Variants in PLBD1 observed in about 807,000 individuals in gnomAD.
PLBD1 encodes the protein phospholipase B domain containing 1, also known as lysosomal leucine aminopeptidase.
PLBD1 carries 60 observed loss-of-function variants against 63.0 expected under a neutral mutation model. The observed-to-expected ratio is 0.95, with a 90% CI of 0.77 to 1.18. The LOEUF is 1.18. Ranked by LOEUF, PLBD1 falls within the 50% of genes most tolerant of loss-of-function variation. PLBD1 has a pLI of 0.00. For missense variants in PLBD1, 598 were observed against 677.9 expected, an observed-to-expected ratio of 0.88 and a Z score of 1.31; for synonymous variants, 262 against 248.0, an observed-to-expected ratio of 1.06 and a Z score of -0.53.
chr12:14,545,569 G>C (rs1218931966), intron 2 of PLBD1, among the ~76,000 whole-genome samples: 1 of 152,150 alleles, frequency 6.6e-6, no homozygotes, highest in Non-Finnish European at 1.5e-5. Context: ...TACAGTCCTC[G>C]TTCTGGTTTT....
At chr12:14,562,488 C>T (rs967250500) in intron 1 of PLBD1, among the ~76,000 whole-genome samples, 3 of 143,252 alleles carry the variant, frequency 2.1e-5, no homozygotes, top group African/African-American at 7.6e-5. Flanking sequence ...AAGACTGTAA[C>T]TGAACATGAT....
intron 6 of PLBD1, among the ~76,000 whole-genome samples, chr12:14,513,585 C>T (rs776140128): frequency 6.6e-6 from 1 of 152,080 alleles, no homozygotes; most frequent in Non-Finnish European, 1.5e-5. Context: ...AGTCAGAAGA[C>T]CTGCATTTTA....
At chr12:14,505,733 TAACATGG>T (rs551250034) in intron 10 of PLBD1, among the ~76,000 whole-genome samples, 38 of 152,358 alleles carry the variant, frequency 2.5e-4, no homozygotes, top group African/African-American at 9.1e-4. Flanking sequence ...GACTCATGTT[TAACATGG>T]AATCGCACTG....
chr12:14,504,350 G>A (rs1223528754), intron 10 of PLBD1, among the ~76,000 whole-genome samples: 2 of 152,066 alleles, frequency 1.3e-5, no homozygotes, highest in Non-Finnish European at 2.9e-5. Context: ...GCGCCAGGCC[G>A]CCTTCTTTAA....
At chr12:14,528,439 A>G (rs1945433953) in intron 6 of PLBD1, among the ~76,000 whole-genome samples, 1 of 151,318 alleles carries the variant, frequency 6.6e-6, no homozygotes, top group Non-Finnish European at 1.5e-5. Context: ...ACAGTGACAA[A>G]GATCTGAAAA....
In PLBD1 at chr12:14,506,171, A is replaced by T. The variant is rs773113855; in HGVS notation, c.1470T>A (p.Tyr490Ter). 4 of 1,605,774 alleles carry T rather than the reference A, an allele frequency of 2.5e-6. No individual in the cohort carries two copies. Among genetic ancestry groups the T allele is most frequent in the South Asian group, 2.2e-5 (2 of 90,350 alleles). The change falls in exon 10 of 11, where the codon TAT (tyrosine) becomes TAA (stop). Residue 490 changes from tyrosine (Y) to a stop codon, truncating the protein, a stop_gained. Coordinates refer to ENST00000240617, the MANE Select transcript of PLBD1 (RefSeq NM_024829.6). LOFTEE classifies it high-confidence loss of function. ...NSPNPSPGGC[Y>*]DTKVADIYLA... ...GCCAATAGCATGTTACCTTTGTGTC[A>T]TAACAACCTCCAGGACTTGGGTTAG...
chr12:14,531,532 G>C (rs890663617), intron 6 of PLBD1, among the ~76,000 whole-genome samples: 11 of 152,126 alleles, frequency 7.2e-5, no homozygotes, highest in Admixed American at 6.5e-5. Context: ...TTTGTTTTAT[G>C]GTTACTAAAG....
At chr12:14,525,468 A>G (rs1945409376) in intron 6 of PLBD1, among the ~76,000 whole-genome samples, 1 of 152,040 alleles carries the variant, frequency 6.6e-6, no homozygotes, top group African/African-American at 2.4e-5. Context: ...GAGAGAGAAA[A>G]GAGGATGGAA....
chr12:14,542,111 G>A, intron 3 of PLBD1, 97 bp downstream of exon 3: 2 of 946,796 alleles, frequency 2.1e-6, no homozygotes, highest in South Asian at 1.4e-5. Flanking sequence ...CTGCTAAAGA[G>A]ATTAAAAAGA....
chr12:14,516,049 G>C (rs1945334208), intron 6 of PLBD1, among the ~76,000 whole-genome samples: 1 of 150,122 alleles, frequency 6.7e-6, no homozygotes, highest in Non-Finnish European at 1.5e-5. Context: ...AAAAAAACAA[G>C]GCCGGGCACG....
At chr12:14,512,060 G>A (rs577261692) in intron 6 of PLBD1, among the ~76,000 whole-genome samples, 156 of 152,268 alleles carry the variant, frequency 1.0e-3, no homozygotes, top group Non-Finnish European at 1.7e-3. Flanking sequence ...TTTAATTAGG[G>A]AGGGGATTAG....
rs893783924 is a variant in PLBD1 at position 14,511,110 on chromosome 12, C to G, written c.1186+150G>C. 3 of 795,064 alleles carry G rather than the reference C, an allele frequency of 3.8e-6. No individual in the cohort carries two copies. The African/African-American group carries it at 5.2e-5, about 14-fold the overall frequency. 49.3% of individuals were successfully genotyped at this position (795,064 alleles called of 1,614,324 possible). A position where few individuals can be genotyped will look rare whatever the true frequency, so the allele number is the denominator to read the frequency against. ...ATGTAGGTTTACATGTTGTGCTAAA[C>G]CTGGTCATTCTGGTGTAATATAGCA... On this transcript the variant is annotated intron_variant, in intron 8 of 10. Transcript: ENST00000240617.
chr12:14,553,027 G>T (rs1050785387), intron 2 of PLBD1, among the ~76,000 whole-genome samples, 166 bp downstream of exon 2: 1 of 152,190 alleles, frequency 6.6e-6, no homozygotes, highest in Non-Finnish European at 1.5e-5. Context: ...TGTGTCCCAT[G>T]CCTCACCCCC....
intron 1 of PLBD1, among the ~76,000 whole-genome samples, chr12:14,554,921 G>A (rs1012793539): frequency 1.9e-4 from 29 of 151,910 alleles, no homozygotes; most frequent in Non-Finnish European, 3.7e-4. Context: ...CTAGAGATTC[G>A]AAATATCCTC....
At chr12:14,510,017 A>G (rs1474396889) in intron 8 of PLBD1, among the ~76,000 whole-genome samples, 1 of 152,208 alleles carries the variant, frequency 6.6e-6, no homozygotes, top group East Asian at 1.9e-4. Context: ...CATGGAGTGC[A>G]TGGATTATAT....
intron 6 of PLBD1, among the ~76,000 whole-genome samples, chr12:14,520,409 T>C (rs1272647920): frequency 2.0e-5 from 3 of 152,246 alleles, no homozygotes; most frequent in Non-Finnish European, 2.9e-5. Context: ...TGCTGCACAC[T>C]GTGCAGGTGA....
In PLBD1 at chr12:14,506,964, C is replaced by G; in HGVS notation, c.1341G>C (p.Thr447=). Residue 447 remains threonine (T), a synonymous_variant, in exon 9 of 11, where the codon ACG becomes ACC. Coordinates refer to ENST00000240617, the MANE Select transcript of PLBD1 (RefSeq NM_024829.6). ...ATCGCATGATATATTTCATGGATGCCGTATCAGTCACTTTCCCTTGGTCAC... is the reference window on the plus strand; with the variant it reads ...ATCGCATGATATATTTCATGGATGCGGTATCAGTCACTTTCCCTTGGTCAC... ...FRRDQGKVTD[T]ASMKYIMRYN... is the part of the protein sequence containing the mutation. The G allele has an allele frequency of 6.2e-7, 1 of 1,613,974 alleles. No individual in the cohort carries two copies. The highest frequency in any genetic ancestry group is 1.1e-5 in the South Asian group (1 of 91,050).
chr12:14,537,398 G>T (rs1224547475), intron 4 of PLBD1, among the ~76,000 whole-genome samples: 1 of 152,182 alleles, frequency 6.6e-6, no homozygotes, highest in Non-Finnish European at 1.5e-5. Context: ...CTACCCACTA[G>T]GTACCAGCAG....
chr12:14,523,121 C>T (rs1945389690), intron 6 of PLBD1, among the ~76,000 whole-genome samples: 1 of 151,914 alleles, frequency 6.6e-6, no homozygotes, highest in Admixed American at 6.6e-5. Context: ...AAAACTTCAC[C>T]AAAATACTGT....
Sources: allele counts gnomAD v4.1 joint callset (sites outside exome capture counted in the v4.1 genomes callset), GRCh38; gene constraint gnomAD v4.1.1; transcripts MANE v1.5; gene names NCBI Gene and HGNC (gene_info 2026-07-23, HGNC 2026-07-21).